Variants in AGBL1 observed in about 807,000 individuals in gnomAD.
AGBL1 encodes cytosolic carboxypeptidase 4.
Under a neutral mutation model 118.9 loss-of-function variants are expected in AGBL1, and 130 were observed. The ratio of observed to expected loss-of-function variants is 1.09; its 90% CI spans 0.95 to 1.26. AGBL1 has a LOEUF of 1.26. Ranked by LOEUF, AGBL1 falls within the 50% of genes most tolerant of loss-of-function variation. The pLI is 0.00. For missense variants in AGBL1, 1,584 were observed against 1,298.1 expected, an observed-to-expected ratio of 1.22 and a Z score of -3.38; for synonymous variants, 555 against 478.9, an observed-to-expected ratio of 1.16 and a Z score of -2.08.
chr15:86,247,787 C>A lies in AGBL1; in HGVS notation c.643C>A (p.Leu215Met). 3 of 1,613,954 alleles carry A rather than the reference C, an allele frequency of 1.9e-6. No homozygotes were observed. Among genetic ancestry groups the A allele is most frequent in the Non-Finnish European group, 2.5e-6 (3 of 1,179,866 alleles). ...CTACGTGCAGATCCGACGGGGCTTG[C>A]TGCTCTGCCTCAGGCACATTGCTGC... ...NAYVQIRRGLLLCLRHIAALR... is the reference protein window; with the variant it reads ...NAYVQIRRGLMLCLRHIAALR... The change falls in exon 7 of 23, where the codon CTG becomes ATG. Residue 215 changes from leucine (L) to methionine (M), a missense_variant. Transcript: ENST00000614907.
intron 19 of AGBL1, among the ~76,000 whole-genome samples, chr15:86,542,808 G>T (rs1204978072): frequency 6.6e-6 from 1 of 152,120 alleles, no homozygotes; most frequent in Non-Finnish European, 1.5e-5. Context: ...TTGTTCTGAT[G>T]TCTACTTTAT....
At chr15:86,940,933 C>A (rs2080744010) in intron 23 of AGBL1, among the ~76,000 whole-genome samples, 1 of 152,208 alleles carries the variant, frequency 6.6e-6, no homozygotes, top group Admixed American at 6.5e-5. Flanking sequence ...CCAATGTCCT[C>A]TGCTCAGCTC....
At chr15:86,689,231 A>G (rs935560582) in intron 22 of AGBL1, among the ~76,000 whole-genome samples, 4 of 152,102 alleles carry the variant, frequency 2.6e-5, no homozygotes, top group African/African-American at 9.7e-5. Context: ...CCTCTTTGAC[A>G]TTCAAGTCTC....
intron 18 of AGBL1, among the ~76,000 whole-genome samples, chr15:86,420,093 C>T (rs990609867): frequency 7.2e-5 from 11 of 152,132 alleles, no homozygotes; most frequent in African/African-American, 2.7e-4. Context: ...AGTGGATCTC[C>T]CAATACAGCA....
chr15:86,099,769 C>CA (rs1359731986), intron 1 of AGBL1, among the ~76,000 whole-genome samples: 1 of 152,100 alleles, frequency 6.6e-6, no homozygotes, highest in Non-Finnish European at 1.5e-5. Flanking sequence ...CTTGGCTTCC[C>CA]AACATGCTGG....
At chr15:86,239,102 G>T (rs1023511694) in intron 6 of AGBL1, among the ~76,000 whole-genome samples, 12 of 152,156 alleles carry the variant, frequency 7.9e-5, no homozygotes, top group Non-Finnish European at 1.3e-4. Flanking sequence ...TAGTTCTGTG[G>T]CAAGTTATTA....
intron 21 of AGBL1, among the ~76,000 whole-genome samples, chr15:86,600,401 A>G (rs1480386929): frequency 6.6e-6 from 1 of 152,180 alleles, no homozygotes; most frequent in African/African-American, 2.4e-5. Flanking sequence ...TGGTACCAAA[A>G]TACCACTACA....
intron 1 of AGBL1, among the ~76,000 whole-genome samples, chr15:86,113,240 T>G (rs1897524474): frequency 1.2e-5 from 1 of 83,702 alleles, no homozygotes; most frequent in Admixed American, 1.0e-4. Flanking sequence ...TTCTTTTCTT[T>G]TCTTTTCTTT....
At chr15:87,021,744 G>T (rs1342754775) in intron 24 of AGBL1, among the ~76,000 whole-genome samples, 1 of 152,016 alleles carries the variant, frequency 6.6e-6, no homozygotes, top group Admixed American at 6.6e-5. Flanking sequence ...GGGAATCATG[G>T]CAGATGGGAG....
At chr15:86,324,023 C>T (rs1268685231) in intron 17 of AGBL1, among the ~76,000 whole-genome samples, 2 of 152,132 alleles carry the variant, frequency 1.3e-5, no homozygotes, top group Admixed American at 6.5e-5. Context: ...ATAATTTCTG[C>T]AGTGAAATGC....
intron 22 of AGBL1, among the ~76,000 whole-genome samples, chr15:86,695,731 A>G (rs2086244324): frequency 6.6e-6 from 1 of 151,824 alleles, no homozygotes; most frequent in African/African-American, 2.4e-5. Flanking sequence ...TAGGCATTTA[A>G]GATTATGAAT....
chr15:86,523,084 C>A (rs1413187497), intron 19 of AGBL1, 145 bp downstream of exon 19: 2 of 954,574 alleles, frequency 2.1e-6, no homozygotes, highest in Non-Finnish European at 1.6e-6. Flanking sequence ...GGTGCATTGA[C>A]TTCCTGGGCT....
At chr15:86,250,115 G>C (rs913903754) in intron 7 of AGBL1, among the ~76,000 whole-genome samples, 1 of 152,178 alleles carries the variant, frequency 6.6e-6, no homozygotes, top group African/African-American at 2.4e-5. Context: ...ATAGTGCTGA[G>C]TAAATAGGCC....
chr15:86,360,455 T>C (rs1461224049), intron 17 of AGBL1, among the ~76,000 whole-genome samples: 1 of 151,914 alleles, frequency 6.6e-6, no homozygotes, highest in Non-Finnish European at 1.5e-5. Flanking sequence ...TTCAGTTTGC[T>C]AGTATTGAGG....
intron 19 of AGBL1, among the ~76,000 whole-genome samples, chr15:86,533,344 A>C (rs2083376866): frequency 7.5e-6 from 1 of 132,992 alleles, no homozygotes; most frequent in African/African-American, 3.1e-5. Context: ...TTATGCAGCC[A>C]AAAAATACAT....
chr15:86,139,386 C>T (rs906879495), intron 1 of AGBL1, among the ~76,000 whole-genome samples: 1 of 152,134 alleles, frequency 6.6e-6, no homozygotes, highest in Non-Finnish European at 1.5e-5. Context: ...GGCACCACCC[C>T]GGGATTCTCT....
chr15:86,411,108 T>C (rs914692676), intron 18 of AGBL1, among the ~76,000 whole-genome samples: 1 of 150,910 alleles, frequency 6.6e-6, no homozygotes, highest in African/African-American at 2.4e-5. Flanking sequence ...ACTCATCAAA[T>C]AGATTTAACT....
At chr15:86,850,140 A>G (rs1021906560) in intron 22 of AGBL1, among the ~76,000 whole-genome samples, 1 of 152,202 alleles carries the variant, frequency 6.6e-6, no homozygotes, top group African/African-American at 2.4e-5. Flanking sequence ...GCTGTTTCCC[A>G]TGTGTAAAAC....
At chr15:86,332,278 C>T (rs1051785889) in intron 17 of AGBL1, among the ~76,000 whole-genome samples, 1 of 152,152 alleles carries the variant, frequency 6.6e-6, no homozygotes, top group African/African-American at 2.4e-5. Context: ...TATGAAAAGA[C>T]TTAGATGTCT....
Sources: allele counts gnomAD v4.1 joint callset (sites outside exome capture counted in the v4.1 genomes callset), GRCh38; gene constraint gnomAD v4.1.1; transcripts MANE v1.5; gene names NCBI Gene and HGNC (gene_info 2026-07-23, HGNC 2026-07-21).